ARHGAP44: variants seen among roughly 807,000 people sequenced by gnomAD.
ARHGAP44 encodes rho GTPase-activating protein 44.
A neutral mutation model predicts 106.8 loss-of-function variants in ARHGAP44; 43 were observed. The observed-to-expected ratio is 0.40, with a 90% CI of 0.32 to 0.52. The LOEUF (loss-of-function observed/expected upper bound fraction) is 0.52, where lower values mean the gene tolerates loss of function less well. Among genes scored for constraint, ARHGAP44 ranks in the 20% least tolerant of loss-of-function variants. The pLI is 0.48. For missense variants in ARHGAP44, 866 were observed against 1,050.5 expected, an observed-to-expected ratio of 0.82 and a Z score of 2.43; for synonymous variants, 439 against 410.3, an observed-to-expected ratio of 1.07 and a Z score of -0.85.
chr17:12,870,565 T>A (rs554723365), intron 1 of ARHGAP44, among the ~76,000 whole-genome samples: 3 of 152,284 alleles, frequency 2.0e-5, no homozygotes, highest in African/African-American at 7.2e-5. Flanking sequence ...GAGAAGGGTT[T>A]ATAATGAAAA....
chr17:12,841,308 CTTTGGAGGG>C (rs1313206744), intron 1 of ARHGAP44, among the ~76,000 whole-genome samples: 1 of 152,052 alleles, frequency 6.6e-6, no homozygotes, highest in Non-Finnish European at 1.5e-5. Flanking sequence ...AATACCTAGT[CTTTGGAGGG>C]GCCAGGCATG....
intron 1 of ARHGAP44, among the ~76,000 whole-genome samples, chr17:12,866,424 A>G (rs972434474): frequency 6.6e-6 from 1 of 151,934 alleles, no homozygotes; most frequent in Non-Finnish European, 1.5e-5. Flanking sequence ...CTGCCTTTGC[A>G]CCCCACAGCA....
chr17:12,924,514 A>G (rs1396306180), intron 6 of ARHGAP44, among the ~76,000 whole-genome samples: 10 of 152,212 alleles, frequency 6.6e-5, no homozygotes, highest in Non-Finnish European at 1.3e-4. Context: ...AGTCTGGGAC[A>G]CATACACATT....
intron 1 of ARHGAP44, among the ~76,000 whole-genome samples, chr17:12,845,936 C>G (rs1597928729): frequency 6.6e-6 from 1 of 152,036 alleles, no homozygotes; most frequent in Non-Finnish European, 1.5e-5. Flanking sequence ...ATCTGAGGTT[C>G]CATTGGTGGT....
chr17:12,857,932 G>A (rs1157045009), intron 1 of ARHGAP44, among the ~76,000 whole-genome samples: 1 of 152,050 alleles, frequency 6.6e-6, no homozygotes, highest in Non-Finnish European at 1.5e-5. Context: ...TCACTAATAA[G>A]CTAGACCACC....
At chr17:12,909,320 C>A (rs950897140) in intron 4 of ARHGAP44, among the ~76,000 whole-genome samples, 2 of 152,010 alleles carry the variant, frequency 1.3e-5, no homozygotes, top group African/African-American at 4.8e-5. Context: ...ACAAAACAAA[C>A]TGAAAATAGA....
intron 1 of ARHGAP44, among the ~76,000 whole-genome samples, chr17:12,862,269 C>G (rs1394697983): frequency 1.3e-5 from 2 of 152,060 alleles, no homozygotes; most frequent in Non-Finnish European, 1.5e-5. Flanking sequence ...GAAAAACAGA[C>G]CTGAGAGACA....
intron 12 of ARHGAP44, among the ~76,000 whole-genome samples, chr17:12,951,589 C>T (rs2038992825): frequency 6.6e-6 from 1 of 152,148 alleles, no homozygotes; most frequent in South Asian, 2.1e-4. Flanking sequence ...TACTCCTGTT[C>T]CCACTTCATT....
chr17:12,901,907 A>G (rs971744687), intron 3 of ARHGAP44, among the ~76,000 whole-genome samples: 2 of 152,100 alleles, frequency 1.3e-5, no homozygotes, highest in Admixed American at 1.3e-4. Flanking sequence ...CTCTTCCTCC[A>G]AAGAATTTCC....
At chr17:12,980,625 T>G (rs1252035465) in intron 19 of ARHGAP44, among the ~76,000 whole-genome samples, 1 of 152,152 alleles carries the variant, frequency 6.6e-6, no homozygotes, top group Non-Finnish European at 1.5e-5. Context: ...TGCCTACCCC[T>G]AGATCACTCG....
chr17:12,838,367 TG>T (rs1872568379), intron 1 of ARHGAP44, among the ~76,000 whole-genome samples: 2 of 152,210 alleles, frequency 1.3e-5, no homozygotes, highest in African/African-American at 4.8e-5. Flanking sequence ...ATACAAAAGT[TG>T]GGAAAGGTTT....
intron 18 of ARHGAP44, among the ~76,000 whole-genome samples, chr17:12,976,083 C>T (rs1230575342): frequency 2.6e-5 from 4 of 152,080 alleles, no homozygotes; most frequent in Non-Finnish European, 5.9e-5. Context: ...CACATGCCAC[C>T]GTGTCTCCTG....
At chr17:12,855,267 CAAAT>C (rs1013946453) in intron 1 of ARHGAP44, among the ~76,000 whole-genome samples, 29 of 152,226 alleles carry the variant, frequency 1.9e-4, no homozygotes, top group African/African-American at 6.7e-4. Flanking sequence ...AACAAACAAA[CAAAT>C]AAACCCTACA....
intron 1 of ARHGAP44, among the ~76,000 whole-genome samples, chr17:12,880,096 T>C (rs367810003): frequency 6.6e-6 from 1 of 152,072 alleles, no homozygotes; most frequent in Admixed American, 6.6e-5. Flanking sequence ...ACCCCAATAA[T>C]ATACAGAATC....
At chr17:12,960,182 G>A (rs1056093740) in intron 16 of ARHGAP44, among the ~76,000 whole-genome samples, 2 of 151,926 alleles carry the variant, frequency 1.3e-5, no homozygotes, top group Admixed American at 6.6e-5. Context: ...GGTGTTTATT[G>A]TTCTCCACTT....
At chr17:12,848,246 T>G (rs2035628178) in intron 1 of ARHGAP44, among the ~76,000 whole-genome samples, 1 of 152,210 alleles carries the variant, frequency 6.6e-6, no homozygotes, top group Non-Finnish European at 1.5e-5. Context: ...AATCTTTGTC[T>G]TAAATATTAA....
chr17:12,947,062 A>G (rs577066757), intron 10 of ARHGAP44, among the ~76,000 whole-genome samples: 16 of 152,238 alleles, frequency 1.1e-4, no homozygotes, highest in African/African-American at 3.4e-4. Flanking sequence ...TCTCTTTTCA[A>G]CACAACCACA....
At chr17:12,941,800 A>G (rs1342659770) in intron 8 of ARHGAP44, among the ~76,000 whole-genome samples, 1 of 152,212 alleles carries the variant, frequency 6.6e-6, no homozygotes, top group Non-Finnish European at 1.5e-5. Flanking sequence ...GTTGTTTACC[A>G]GGGTAAATGC....
intron 1 of ARHGAP44, among the ~76,000 whole-genome samples, chr17:12,845,736 A>G (rs1488065165): frequency 2.0e-5 from 3 of 152,218 alleles, no homozygotes; most frequent in East Asian, 1.9e-4. Flanking sequence ...TTGGTTGAGT[A>G]TCCCACCATT....
Sources: gnomAD v4.1 joint callset for allele counts (sites outside exome capture counted in the v4.1 genomes callset) on GRCh38, gnomAD v4.1.1 for gene constraint, MANE v1.5 for transcripts, NCBI Gene and HGNC (gene_info 2026-07-23, HGNC 2026-07-21) for gene names.